The following PLEKHD1 variants were observed in gnomAD, a reference collection of about 807,000 sequenced individuals.
PLEKHD1 encodes pleckstrin homology domain-containing family D member 1.
A neutral mutation model predicts 69.2 loss-of-function variants in PLEKHD1; 51 were observed. The ratio of observed to expected loss-of-function variants is 0.74; its 90% CI spans 0.59 to 0.93. PLEKHD1 has a LOEUF of 0.93. Ranked by LOEUF, PLEKHD1 falls within the 40% of genes least tolerant of loss-of-function variation. The probability of loss-of-function intolerance (pLI) is 0.00; values close to 1 mark genes in which losing one functional copy is unlikely to be tolerated. For missense variants in PLEKHD1, 584 were observed against 641.0 expected (o/e 0.91, Z 0.96); for synonymous variants, 236 against 244.7 (o/e 0.96, Z 0.33).
At chr14:69,514,717 G>A (rs1193157130) in intron 6 of PLEKHD1, among the ~76,000 whole-genome samples, 2 of 152,030 alleles carry the variant, frequency 1.3e-5, no homozygotes, top group Non-Finnish European at 1.5e-5. Context: ...TTAGTGATGT[G>A]GTGGTCTTAG....
At chr14:69,473,425 C>A in the PLEKHD1 span, among the ~76,000 whole-genome samples, 1 of 152,114 alleles carries the variant, frequency 6.6e-6, no homozygotes, top group Admixed American at 6.5e-5. Context: ...GTAGCTCCAC[C>A]TCTGCCTCAC....
chr14:69,485,382 G>A lies in PLEKHD1; in HGVS notation c.149+268G>A, dbSNP rs561789026. ...GTGGGAATGTTGGGTGTGGGCAGAAGAGACCGTGGTCGGGGTGGGATCCCA... is the reference window on the plus strand; with the variant it reads ...GTGGGAATGTTGGGTGTGGGCAGAAAAGACCGTGGTCGGGGTGGGATCCCA... On this transcript the variant is annotated intron_variant, in intron 1 of 12. Transcript: ENST00000322564. Among the ~76,000 whole-genome samples the A allele has an allele frequency of 2.8e-4, 43 of 152,360 alleles. 1 individual carries two copies. In the South Asian group the frequency reaches 7.9e-3, roughly 28 times the overall value.
chr14:69,468,813 T>C, the PLEKHD1 span, among the ~76,000 whole-genome samples: 1 of 152,174 alleles, frequency 6.6e-6, no homozygotes, highest in Non-Finnish European at 1.5e-5. Context: ...ACTCCTGATC[T>C]CAAGCCATCC....
At chr14:69,513,287 T>G (rs1883312571) in intron 6 of PLEKHD1, among the ~76,000 whole-genome samples, 2 of 151,824 alleles carry the variant, frequency 1.3e-5, no homozygotes, top group African/African-American at 2.4e-5. Flanking sequence ...AAGAGTTTAA[T>G]GGAGTAAATG....
intron 7 of PLEKHD1, among the ~76,000 whole-genome samples, chr14:69,523,972 G>A (rs1406156165): frequency 1.3e-5 from 2 of 152,170 alleles, no homozygotes; most frequent in African/African-American, 4.8e-5. Flanking sequence ...TGCCTGTGGG[G>A]TGGCCCTAGG....
Position 69,500,852 on chromosome 14 carries a change from T to G in PLEKHD1, c.334-19T>G, listed in dbSNP as rs747465190. ...CGTGGCTGCCTCTCAGGCATGCGCA[T>G]GGCTCCTCTTCCTGGCAGGGGAACA... On this transcript the variant is annotated intron_variant, in intron 3 of 12. Coordinates refer to ENST00000322564, the MANE Select transcript of PLEKHD1 (RefSeq NM_001161498.2). 2 of 1,551,540 alleles carry G rather than the reference T, an allele frequency of 1.3e-6. No homozygotes were observed. The highest frequency in any genetic ancestry group is 1.7e-6 in the Non-Finnish European group (2 of 1,146,960).
chr14:69,511,066 A>G (rs1362429497), intron 6 of PLEKHD1, among the ~76,000 whole-genome samples: 2 of 152,168 alleles, frequency 1.3e-5, no homozygotes, highest in Admixed American at 1.3e-4. Flanking sequence ...CAAATATTGA[A>G]CCAGCCTTGT....
chr14:69,503,950 G>A (rs1883095537), intron 6 of PLEKHD1, among the ~76,000 whole-genome samples: 1 of 152,108 alleles, frequency 6.6e-6, no homozygotes, highest in South Asian at 2.1e-4. Context: ...TTAAGGGCAG[G>A]GGGCGGTAGT....
the PLEKHD1 span, among the ~76,000 whole-genome samples, chr14:69,470,947 A>G: frequency 2.6e-5 from 4 of 151,846 alleles, no homozygotes; most frequent in African/African-American, 4.8e-5. Context: ...GCCCACCACC[A>G]TGCCCGGCTA....
At chr14:69,527,543 A>G (rs1594995870) in intron 11 of PLEKHD1, among the ~76,000 whole-genome samples, 2 of 152,266 alleles carry the variant, frequency 1.3e-5, no homozygotes, top group Non-Finnish European at 2.9e-5. Flanking sequence ...GAGGAAAGCC[A>G]GGAGCTTCTT....
At chr14:69,474,048 GC>G in the PLEKHD1 span, among the ~76,000 whole-genome samples, 1 of 145,630 alleles carries the variant, frequency 6.9e-6, no homozygotes, top group Non-Finnish European at 1.5e-5. Flanking sequence ...ACTGAGAGGA[GC>G]GGGGACTCCT....
At chr14:69,504,440 A>C (rs1883107495) in intron 6 of PLEKHD1, among the ~76,000 whole-genome samples, 1 of 130,054 alleles carries the variant, frequency 7.7e-6, no homozygotes, top group Non-Finnish European at 1.6e-5. Flanking sequence ...CTGGGCTCTG[A>C]AACAGGCCAT....
At chr14:69,477,186 G>A in the PLEKHD1 span, among the ~76,000 whole-genome samples, 4 of 151,968 alleles carry the variant, frequency 2.6e-5, no homozygotes, top group Non-Finnish European at 5.9e-5. Context: ...CTAATTTTTG[G>A]ATTTTTAGTA....
At position 69,527,310 on chromosome 14, in the gene PLEKHD1, G is replaced by T. The variant is rs1370814081; in HGVS notation, c.1179G>T (p.Arg393=). 6.4e-7 allele frequency: 1 copy of T among 1,551,746 alleles called. No homozygotes were observed. Among genetic ancestry groups the T allele is most frequent in the South Asian group, 1.2e-5 (1 of 84,056 alleles). Residue 393 remains arginine (R), a synonymous_variant, in exon 11 of 13, where the codon CGG becomes CGT. Coordinates refer to ENST00000322564, the MANE Select transcript of PLEKHD1 (RefSeq NM_001161498.2). The stretch of plus-strand genomic sequence containing the variant: ...ATAAGGAGAAGGAGGAGAGGATGCG[G>T]GCTGATGTGAGCCATCTGAAAAGTA... ...VRNKEKEERM[R]ADVSHLKRFF...
chr14:69,501,696 C>G, intron 4 of PLEKHD1, 38 bp from the exon 5 acceptor site: 2 of 1,443,534 alleles, frequency 1.4e-6, no homozygotes, highest in Non-Finnish European at 1.9e-6. Context: ...CTGTTTCTTC[C>G]TCTTCTCTCC....
Position 69,528,910 on chromosome 14 carries a change from A to G in PLEKHD1, c.*491A>G. 1 of 156,966 alleles carries G rather than the reference A, an allele frequency of 6.4e-6. No homozygotes were observed. Among genetic ancestry groups the G allele is most frequent in the Admixed American group, 6.2e-5 (1 of 16,070 alleles). 9.7% of individuals were successfully genotyped at this position (156,966 alleles called of 1,614,324 possible). ...ATTCCCTTTTCCCCAGGGTTTCCTAACCCTCCCTTTGCTTCTGACACTCAG... is the reference window on the plus strand; with the variant it reads ...ATTCCCTTTTCCCCAGGGTTTCCTAGCCCTCCCTTTGCTTCTGACACTCAG... On this transcript the variant is annotated 3_prime_UTR_variant, in exon 13 of 13. Coordinates refer to ENST00000322564, the MANE Select transcript of PLEKHD1 (RefSeq NM_001161498.2).
At chr14:69,521,838 G>T (rs892930376) in intron 6 of PLEKHD1, among the ~76,000 whole-genome samples, 2 of 152,104 alleles carry the variant, frequency 1.3e-5, no homozygotes, top group Non-Finnish European at 2.9e-5. Flanking sequence ...CTTTTGGGTT[G>T]GGAATAGCTT....
chr14:69,520,433 C>T lies in PLEKHD1; in HGVS notation c.556-1850C>T, dbSNP rs148251666. On this transcript the variant is annotated intron_variant, in intron 6 of 12. Coordinates refer to ENST00000322564, the MANE Select transcript of PLEKHD1 (RefSeq NM_001161498.2). ...GGAGTTTCAAACTTTTCTGAAGCTC[C>T]AAACTCTTATTTCATCAAAGAGGGA... Among the ~76,000 whole-genome samples, 956 of 152,106 alleles carry T rather than the reference C, an allele frequency of 6.3e-3. 8 individuals are homozygous for T. Among genetic ancestry groups the T allele is most frequent in the Middle Eastern group, 0.017 (5 of 294 alleles).
At chr14:69,501,983 T>G in intron 5 of PLEKHD1, 158 bp downstream of exon 5, 1 of 590,256 alleles carries the variant, frequency 1.7e-6, no homozygotes, top group Non-Finnish European at 3.0e-6. Context: ...CCTGGTACAC[T>G]ACGCATCCTT....
Sources: allele counts gnomAD v4.1 joint callset (sites outside exome capture counted in the v4.1 genomes callset), GRCh38; gene constraint gnomAD v4.1.1; transcripts MANE v1.5; gene names NCBI Gene and HGNC (gene_info 2026-07-23, HGNC 2026-07-21).